The following LARGE1 variants were observed in gnomAD, a reference collection of about 807,000 sequenced individuals.
LARGE1 encodes xylosyl- and glucuronyltransferase LARGE1.
In LARGE1, 43 loss-of-function variants were observed where a neutral mutation model predicts 87.6. The observed-to-expected ratio is 0.49, with a 90% confidence interval of 0.38 to 0.63. The LOEUF (loss-of-function observed/expected upper bound fraction) is 0.63, where lower values mean the gene tolerates loss of function less well. Among genes scored for constraint, LARGE1 ranks in the 30% least tolerant of loss-of-function variants. The pLI, the probability that LARGE1 is intolerant of heterozygous loss-of-function variation, is 0.00. For missense variants in LARGE1, 802 were observed against 1,000.2 expected (o/e 0.80, Z 2.67); for synonymous variants, 434 against 394.6 (o/e 1.10, Z -1.18).
rs567699536 is a variant in LARGE1 at position 33,171,040 on chromosome 22, G to C, written c.1731-4208C>G. ...CAGATGGAGATAAGGAAGTTTTTGGGAACTGGAGCAAAGGTCACTCTTGCT... is the reference window on the plus strand; with the variant it reads ...CAGATGGAGATAAGGAAGTTTTTGGCAACTGGAGCAAAGGTCACTCTTGCT... On this transcript the variant is annotated intron_variant, in intron 11 of 11. Transcript: ENST00000608642. Among the ~76,000 whole-genome samples, 11 of 152,266 alleles carry C rather than the reference G, an allele frequency of 7.2e-5. No homozygotes were observed. The East Asian group carries it at 1.9e-3, about 27-fold the overall frequency.
chr22:33,169,729 T>TACA lies in LARGE1; in HGVS notation c.1731-2898_1731-2897insTGT, dbSNP rs1006398606. Among the ~76,000 whole-genome samples, 10 of 152,036 alleles carry TACA rather than the reference T, an allele frequency of 6.6e-5. 1 individual carries two copies. The highest frequency in any genetic ancestry group is 4.1e-4 in the South Asian group (2 of 4,822). On this transcript the variant is annotated intron_variant, in intron 11 of 11. Transcript: ENST00000608642. ...AGCTGGGTGTGGTGGCACGTGCCTG[T>TACA]AGTCCCAGCTATTAGGGTGGCTGAG...
intron 11 of LARGE1, among the ~76,000 whole-genome samples, chr22:33,306,718 A>G (rs1235153826): frequency 6.6e-6 from 1 of 152,102 alleles, no homozygotes; most frequent in African/African-American, 2.4e-5. Context: ...CTAAAAATAC[A>G]AAAATATTAG....
chr22:33,160,927 T>C (rs1184805206), downstream of LARGE1, among the ~76,000 whole-genome samples: 2 of 152,230 alleles, frequency 1.3e-5, no homozygotes, highest in South Asian at 2.1e-4. Flanking sequence ...CTGTCTGACA[T>C]TGGAAAACAT....
intron 1 of LARGE1, among the ~76,000 whole-genome samples, chr22:33,853,938 G>A (rs1027663553): frequency 3.3e-5 from 5 of 152,118 alleles, no homozygotes; most frequent in Non-Finnish European, 5.9e-5. Context: ...AAGCAAATGC[G>A]AAAGTGAAAC....
At chr22:33,887,546 G>C (rs2064887850) in intron 1 of LARGE1, among the ~76,000 whole-genome samples, 1 of 152,294 alleles carries the variant, frequency 6.6e-6, no homozygotes, top group Admixed American at 6.5e-5. Context: ...AGATCAGTCT[G>C]AACAACATGG....
chr22:33,888,311 T>G (rs1328483931), intron 1 of LARGE1, among the ~76,000 whole-genome samples: 1 of 152,144 alleles, frequency 6.6e-6, no homozygotes, highest in African/African-American at 2.4e-5. Flanking sequence ...CATGAGCCCA[T>G]GAAGGAACAC....
chr22:33,400,792 A>T (rs1368656588), intron 7 of LARGE1, among the ~76,000 whole-genome samples: 1 of 152,238 alleles, frequency 6.6e-6, no homozygotes, highest in Non-Finnish European at 1.5e-5. Context: ...GCATGCTCAG[A>T]AAAAAAGCAG....
the LARGE1 span, among the ~76,000 whole-genome samples, chr22:33,083,686 T>G: frequency 2.0e-5 from 3 of 152,174 alleles, no homozygotes; most frequent in Admixed American, 1.3e-4. Context: ...GAGTTCGAAG[T>G]GTGTTGAATG....
At chr22:33,579,969 C>T (rs540053663) in intron 5 of LARGE1, among the ~76,000 whole-genome samples, 4 of 152,306 alleles carry the variant, frequency 2.6e-5, no homozygotes, top group East Asian at 3.9e-4. Context: ...AATATTTAAG[C>T]GTCCTTGATC....
chr22:33,253,181 T>G (rs1332716080), intron 11 of LARGE1, among the ~76,000 whole-genome samples: 1 of 152,232 alleles, frequency 6.6e-6, no homozygotes, highest in African/African-American at 2.4e-5. Flanking sequence ...GTAGATATGA[T>G]AGGGATAATG....
chr22:33,369,696 G>A (rs944270055), intron 9 of LARGE1, among the ~76,000 whole-genome samples: 1 of 152,140 alleles, frequency 6.6e-6, no homozygotes, highest in Admixed American at 6.5e-5. Flanking sequence ...AGCCTCCTGA[G>A]TAGCTGGGAT....
rs201746610 is a variant in LARGE1 at position 33,201,431 on chromosome 22, A to AGAAG, written c.1731-34603_1731-34600dup. Among the ~76,000 whole-genome samples, 12 of 96,740 alleles carry AGAAG rather than the reference A, an allele frequency of 1.2e-4. No homozygotes were observed. The East Asian group carries it at 1.6e-3, about 13-fold the overall frequency. 63.5% of individuals were successfully genotyped at this position (96,740 alleles called of 152,430 possible). The stretch of plus-strand genomic sequence containing the variant: ...GAAAAAGAAGGAAGGAAGGAAGGAA[A>AGAAG]GAAGGAAGGAAGGAAGGGAGGAGAA... On this transcript the variant is annotated intron_variant, in intron 11 of 11. Coordinates refer to the LARGE1 transcript ENST00000608642.
chr22:33,383,445 AG>A (rs2065223968), intron 8 of LARGE1, among the ~76,000 whole-genome samples: 3 of 152,112 alleles, frequency 2.0e-5, no homozygotes, highest in Non-Finnish European at 2.9e-5. Flanking sequence ...CTGTAATCCT[AG>A]CGACTTGGGA....
chr22:33,575,094 G>A (rs1190074231), intron 5 of LARGE1, among the ~76,000 whole-genome samples: 2 of 152,052 alleles, frequency 1.3e-5, no homozygotes, highest in African/African-American at 2.4e-5. Flanking sequence ...CTAGAAATCC[G>A]TATTTTAAAA....
chr22:33,259,117 A>T (rs1927478028), intron 11 of LARGE1, among the ~76,000 whole-genome samples: 1 of 152,018 alleles, frequency 6.6e-6, no homozygotes. Context: ...TGACCTTGTG[A>T]TTTGCCCGCC....
At chr22:33,567,500 T>C (rs982566576) in intron 5 of LARGE1, among the ~76,000 whole-genome samples, 2 of 152,224 alleles carry the variant, frequency 1.3e-5, no homozygotes, top group African/African-American at 4.8e-5. Context: ...GATTCAGGCA[T>C]GCCTGGATTT....
chr22:33,292,926 A>C (rs1345525630), intron 12 of LARGE1, among the ~76,000 whole-genome samples: 1 of 152,142 alleles, frequency 6.6e-6, no homozygotes, highest in African/African-American at 2.4e-5. Flanking sequence ...TGATTAAGAG[A>C]ACTAAGATAA....
At chr22:33,662,626 A>T (rs908640677) in intron 2 of LARGE1, among the ~76,000 whole-genome samples, 1 of 152,172 alleles carries the variant, frequency 6.6e-6, no homozygotes, top group Admixed American at 6.5e-5. Flanking sequence ...GAATAGAAAG[A>T]GCTAGTTATC....
intron 2 of LARGE1, among the ~76,000 whole-genome samples, chr22:33,665,667 C>T (rs904092086): frequency 6.6e-6 from 1 of 151,986 alleles, no homozygotes; most frequent in Non-Finnish European, 1.5e-5. Flanking sequence ...CTGAGGCAGG[C>T]GGATCATGAA....
Sources: allele counts gnomAD v4.1 joint callset (sites outside exome capture counted in the v4.1 genomes callset), GRCh38; gene constraint gnomAD v4.1.1; transcripts MANE v1.5; gene names NCBI Gene and HGNC (gene_info 2026-07-23, HGNC 2026-07-21).